The following SORBS2 variants were observed in gnomAD, a reference collection of about 807,000 sequenced individuals.
SORBS2 encodes the protein sorbin and SH3 domain-containing protein 2.
Under a neutral mutation model 97.7 loss-of-function variants are expected in SORBS2, and 46 were observed. The ratio of observed to expected loss-of-function variants is 0.47; its 90% CI spans 0.37 to 0.60. SORBS2 has a LOEUF of 0.60. Among genes scored for constraint, SORBS2 ranks in the 20% least tolerant of loss-of-function variants. SORBS2 has a pLI of 0.00. For synonymous variants in SORBS2, 476 were observed against 473.4 expected, an observed-to-expected ratio of 1.01 and a Z score of -0.07; for missense variants, 1,316 against 1,282.3, an observed-to-expected ratio of 1.03 and a Z score of -0.40.
At chr4:185,954,726 G>C (rs2099278810) in intron 1 of SORBS2, among the ~76,000 whole-genome samples, 1 of 152,200 alleles carries the variant, frequency 6.6e-6, no homozygotes, top group Non-Finnish European at 1.5e-5. Flanking sequence ...TTGGGAGGCT[G>C]AGGCAGGCGG....
chr4:185,597,569 T>C (rs913808939), intron 12 of SORBS2, among the ~76,000 whole-genome samples: 1 of 152,194 alleles, frequency 6.6e-6, no homozygotes, highest in South Asian at 2.1e-4. Flanking sequence ...GTGCACGCTA[T>C]TGCATGAAAG....
At chr4:185,640,804 C>G (rs1001476625) in intron 4 of SORBS2, among the ~76,000 whole-genome samples, 10 of 152,180 alleles carry the variant, frequency 6.6e-5, no homozygotes, top group Non-Finnish European at 1.0e-4. Context: ...AGTAATTTCT[C>G]TTCTGTTTAG....
chr4:185,682,899 A>G (rs1445571763), intron 2 of SORBS2, among the ~76,000 whole-genome samples: 1 of 151,944 alleles, frequency 6.6e-6, no homozygotes, highest in Non-Finnish European at 1.5e-5. Context: ...CTGTAATCGC[A>G]GCTACTCAGG....
intron 1 of SORBS2, among the ~76,000 whole-genome samples, chr4:185,951,214 A>G (rs565224659): frequency 6.6e-6 from 1 of 152,324 alleles, no homozygotes; most frequent in African/African-American, 2.4e-5. Flanking sequence ...ACATCAGGGA[A>G]AACATACACT....
rs897391895 is a variant in SORBS2 at position 185,606,503 on chromosome 4, G to A, written c.2796+5277C>T. 9.2e-6 allele frequency: 9 copies of A among 982,370 alleles called. No homozygotes were observed. In the African/African-American group the frequency reaches 1.4e-4, roughly 15 times the overall value. 60.9% of individuals were successfully genotyped at this position (982,370 alleles called of 1,614,324 possible). A position where few individuals can be genotyped will look rare whatever the true frequency, so the allele number is the denominator to read the frequency against. ...TAAAAAAATCTGTTAGTCAAAATAG[G>A]TATTTATTAATATGATTAACTCTAA... On this transcript the variant is annotated intron_variant, in intron 12 of 14. Coordinates refer to ENST00000418609, the Ensembl canonical transcript of SORBS2. This position sits in a 1 kb window ranked among gnomAD's most constrained non-coding sequence, Gnocchi z 4.3.
intron 1 of SORBS2, among the ~76,000 whole-genome samples, chr4:185,874,471 C>A (rs761014302): frequency 6.6e-6 from 1 of 152,070 alleles, no homozygotes; most frequent in African/African-American, 2.4e-5. Context: ...AAAATAAGGG[C>A]CCCAAAGATG....
intron 1 of SORBS2, among the ~76,000 whole-genome samples, chr4:185,860,731 C>T (rs987862980): frequency 2.0e-5 from 3 of 152,238 alleles, no homozygotes; most frequent in African/African-American, 2.4e-5. Flanking sequence ...TGGGACAACT[C>T]GAAGGTGGGA....
At chr4:185,626,764 C>A in intron 6 of SORBS2, 68 bp downstream of exon 18, 1 of 1,487,662 alleles carries the variant, frequency 6.7e-7, no homozygotes, top group Non-Finnish European at 9.4e-7. Context: ...ACTGGGCCAG[C>A]TTTCACACAG....
chr4:185,666,233 G>C (rs930686512), intron 4 of SORBS2: 1 of 1,159,256 alleles, frequency 8.6e-7, no homozygotes, highest in African/African-American at 1.6e-5. Context: ...AATAATAAGA[G>C]ATAAATTATC....
At chr4:185,826,343 C>G (rs2099199762) in intron 1 of SORBS2, among the ~76,000 whole-genome samples, 1 of 152,216 alleles carries the variant, frequency 6.6e-6, no homozygotes, top group African/African-American at 2.4e-5. Flanking sequence ...ACCACTACTA[C>G]CTGTTCTTCA....
chr4:185,614,731 A>G, intron 11 of SORBS2, 100 bp downstream of exon 23: 1 of 1,397,578 alleles, frequency 7.2e-7, no homozygotes, highest in Admixed American at 2.5e-5. Context: ...ATGTCTAAAG[A>G]AAAAGATAAC....
At chr4:185,768,841 C>T (rs999001936) in intron 2 of SORBS2, among the ~76,000 whole-genome samples, 4 of 152,044 alleles carry the variant, frequency 2.6e-5, no homozygotes, top group African/African-American at 7.3e-5. Context: ...TATCTTTATA[C>T]ACCAGATCAA....
intron 4 of SORBS2, among the ~76,000 whole-genome samples, chr4:185,664,217 A>G (rs1012929257): frequency 1.3e-5 from 2 of 152,158 alleles, no homozygotes; most frequent in Admixed American, 6.5e-5. Flanking sequence ...TATCATTAGC[A>G]TTTTAGAAAA....
At chr4:185,817,548 T>C (rs1281862677) in intron 1 of SORBS2, among the ~76,000 whole-genome samples, 1 of 152,176 alleles carries the variant, frequency 6.6e-6, no homozygotes, top group Non-Finnish European at 1.5e-5. Flanking sequence ...CCACTTAGCA[T>C]TGTGTCCTGT....
intron 1 of SORBS2, among the ~76,000 whole-genome samples, chr4:185,839,275 G>A (rs1327028668): frequency 6.6e-6 from 1 of 152,230 alleles, no homozygotes; most frequent in East Asian, 1.9e-4. Flanking sequence ...CTGGCTTGGA[G>A]CAGAGAAAGA....
chr4:185,694,706 C>CTTTCTTTTTTTTTTT (rs1388020260), intron 2 of SORBS2, among the ~76,000 whole-genome samples: 7 of 124,244 alleles, frequency 5.6e-5, no homozygotes, highest in African/African-American at 2.1e-4. Context: ...CCTTTTCTTT[C>CTTTCTTTTTTTTTTT]TTTTCTTTTC....
intron 1 of SORBS2, among the ~76,000 whole-genome samples, chr4:185,866,052 G>A (rs2099226712): frequency 6.6e-6 from 1 of 152,128 alleles, no homozygotes. Flanking sequence ...AATTCCAGAA[G>A]GCCTAGAAAG....
intron 4 of SORBS2, among the ~76,000 whole-genome samples, chr4:185,662,568 C>T (rs1337247729): frequency 2.0e-5 from 3 of 152,126 alleles, no homozygotes; most frequent in South Asian, 2.1e-4. Flanking sequence ...ATGTGGAGGA[C>T]GACTTTGCTC....
chr4:185,657,324 C>T (rs1581986187), upstream of SORBS2: 3 of 1,141,604 alleles, frequency 2.6e-6, no homozygotes, highest in African/African-American at 3.3e-5. Context: ...GGGCAATCCT[C>T]CTTATATAAG....
Sources: allele counts gnomAD v4.1 joint callset (sites outside exome capture counted in the v4.1 genomes callset), GRCh38; gene constraint gnomAD v4.1.1; non-coding constraint Gnocchi (gnomAD v3.1); transcripts MANE v1.5; gene names NCBI Gene and HGNC (gene_info 2026-07-23, HGNC 2026-07-21).